EDNRB: variants seen among roughly 807,000 people sequenced by gnomAD.
EDNRB encodes the protein Hirschsprung disease 2.
In EDNRB, 18 loss-of-function variants were observed where a neutral mutation model predicts 46.4. The ratio of observed to expected loss-of-function variants is 0.39; its 90% CI spans 0.27 to 0.57. EDNRB has a LOEUF of 0.57. Among genes scored for constraint, EDNRB ranks in the 20% least tolerant of loss-of-function variants. The pLI is 0.61. For synonymous variants in EDNRB, 213 were observed against 204.9 expected (o/e 1.04, Z -0.34); for missense variants, 434 against 537.5 (o/e 0.81, Z 1.90).
chr13:77,911,657 G>A (rs1012095444), intron 1 of EDNRB, among the ~76,000 whole-genome samples: 9 of 151,664 alleles, frequency 5.9e-5, no homozygotes, highest in South Asian at 2.1e-4. Flanking sequence ...CTCCCTTCAC[G>A]CCTTCTCCTC....
intron 1 of EDNRB, among the ~76,000 whole-genome samples, chr13:77,941,955 C>A (rs1204576393): frequency 6.6e-6 from 1 of 152,164 alleles, no homozygotes; most frequent in Non-Finnish European, 1.5e-5. Context: ...TATTATGAAG[C>A]AGTCTGATAA....
intron 1 of EDNRB, among the ~76,000 whole-genome samples, chr13:77,915,244 G>C (rs1751872440): frequency 6.6e-6 from 1 of 152,248 alleles, no homozygotes; most frequent in Middle Eastern, 3.4e-3. Context: ...TAAGCCATTA[G>C]AATAACTTCC....
intron 1 of EDNRB, among the ~76,000 whole-genome samples, chr13:77,915,023 CA>C (rs1879740449): frequency 6.6e-6 from 1 of 151,988 alleles, no homozygotes; most frequent in Non-Finnish European, 1.5e-5. Flanking sequence ...AAAACCCCAC[CA>C]AAAAAATTAG....
intron 1 of EDNRB, among the ~76,000 whole-genome samples, chr13:77,936,828 C>G (rs550330301): frequency 1.3e-5 from 2 of 152,348 alleles, no homozygotes; most frequent in South Asian, 4.1e-4. Flanking sequence ...TTGACTGCTG[C>G]GGCTTAGGCG....
intron 1 of EDNRB, among the ~76,000 whole-genome samples, chr13:77,961,763 C>A (rs755333085): frequency 6.6e-6 from 1 of 151,942 alleles, no homozygotes; most frequent in Non-Finnish European, 1.5e-5. Context: ...TAGCAGAAGG[C>A]AAGAAATAAC....
chr13:77,906,031 T>C (rs911895836), intron 1 of EDNRB, among the ~76,000 whole-genome samples: 12 of 152,044 alleles, frequency 7.9e-5, no homozygotes, highest in African/African-American at 2.6e-4. Flanking sequence ...GAAGCACTGA[T>C]GAGAACTAGT....
intron 1 of EDNRB, among the ~76,000 whole-genome samples, chr13:77,925,747 G>A (rs961342939): frequency 6.6e-6 from 1 of 152,188 alleles, no homozygotes; most frequent in African/African-American, 2.4e-5. Flanking sequence ...TCCCTACTGG[G>A]GCACCGCCTA....
chr13:77,942,717 T>C (rs1390459306), intron 1 of EDNRB, among the ~76,000 whole-genome samples: 1 of 152,126 alleles, frequency 6.6e-6, no homozygotes, highest in East Asian at 1.9e-4. Flanking sequence ...TTATAATTTT[T>C]CTATTAATTA....
At chr13:77,924,804 T>C (rs138177890) in intron 1 of EDNRB, among the ~76,000 whole-genome samples, 2,048 of 152,282 alleles carry the variant, frequency 0.013, 42 homozygotes, top group Non-Finnish European at 0.017. Context: ...GTTCTCGTGA[T>C]AGTGAATGGG....
At chr13:77,968,564 T>C (rs1881642593) in intron 1 of EDNRB, among the ~76,000 whole-genome samples, 1 of 152,186 alleles carries the variant, frequency 6.6e-6, no homozygotes, top group Non-Finnish European at 1.5e-5. Flanking sequence ...TCTGCCTTCA[T>C]ATATATTTGA....
upstream of EDNRB, chr13:77,919,352 G>A: frequency 6.3e-7 from 1 of 1,575,974 alleles, no homozygotes; most frequent in South Asian, 1.1e-5. Flanking sequence ...CCCAGAATAA[G>A]GTTCAATCAA....
chr13:77,908,674 T>G (rs1452576809), intron 1 of EDNRB, among the ~76,000 whole-genome samples: 2 of 152,002 alleles, frequency 1.3e-5, no homozygotes, highest in African/African-American at 4.8e-5. Context: ...AACACATTCC[T>G]TATTCCCTAT....
In EDNRB at chr13:77,897,006, C is replaced by T; in HGVS notation, c.*1194G>A. 1 of 991,010 alleles carries T rather than the reference C, an allele frequency of 1.0e-6. No individual in the cohort carries two copies. Among genetic ancestry groups the T allele is most frequent in the Non-Finnish European group, 1.2e-6 (1 of 833,900 alleles). 61.4% of individuals were successfully genotyped at this position (991,010 alleles called of 1,614,324 possible). Reference sequence around the variant, plus strand: ...ATACAAAAATTAGTAATAAGCTTTACAGGTAGCTGTTAAATGTACTAATCT... The same window carrying T: ...ATACAAAAATTAGTAATAAGCTTTATAGGTAGCTGTTAAATGTACTAATCT... On this transcript the variant is annotated 3_prime_UTR_variant, in exon 7 of 7. Transcript: ENST00000646607.
intron 1 of EDNRB, among the ~76,000 whole-genome samples, chr13:77,913,329 C>T (rs188066228): frequency 1.3e-5 from 2 of 152,212 alleles, no homozygotes; most frequent in East Asian, 3.9e-4. Flanking sequence ...ATGAATGCAG[C>T]CTCTTTGCCT....
In EDNRB at chr13:77,915,449, C is replaced by T. The variant is rs574529369; in HGVS notation, c.483+2642G>A. Among the ~76,000 whole-genome samples the T allele has an allele frequency of 9.9e-5, 15 of 152,280 alleles. 1 individual carries two copies. The highest frequency in any genetic ancestry group is 3.6e-4 in the African/African-American group (15 of 41,566). On this transcript the variant is annotated intron_variant, in intron 1 of 6. Transcript: ENST00000646607. ...TGGAGATGACCATGCAGTGCCTGAGCATGCTTTGTGCAGTGGGATGGGGTG... is the reference window on the plus strand; with the variant it reads ...TGGAGATGACCATGCAGTGCCTGAGTATGCTTTGTGCAGTGGGATGGGGTG...
upstream of EDNRB, among the ~76,000 whole-genome samples, chr13:77,922,790 A>G (rs1267202145): frequency 6.6e-6 from 1 of 152,200 alleles, no homozygotes; most frequent in African/African-American, 2.4e-5. Flanking sequence ...CAGCTTGAAG[A>G]GTTTTGCCAA....
chr13:77,938,161 G>A (rs922436602), intron 1 of EDNRB, among the ~76,000 whole-genome samples: 1 of 152,102 alleles, frequency 6.6e-6, no homozygotes, highest in Non-Finnish European at 1.5e-5. Flanking sequence ...ATGGAGGGTG[G>A]AAGGTTGCCC....
chr13:77,914,927 CTG>C (rs1189214758), intron 1 of EDNRB, among the ~76,000 whole-genome samples: 8 of 152,162 alleles, frequency 5.3e-5, no homozygotes, highest in Admixed American at 1.3e-4. Flanking sequence ...TTCTGGGCCT[CTG>C]GGCCCTTAGT....
chr13:77,911,019 G>T (rs1285338841), intron 1 of EDNRB, among the ~76,000 whole-genome samples: 2 of 151,886 alleles, frequency 1.3e-5, no homozygotes, highest in African/African-American at 4.8e-5. Context: ...AACAGGCCAG[G>T]AAAGAAATTG....
Sources: gnomAD v4.1 joint callset for allele counts (sites outside exome capture counted in the v4.1 genomes callset) on GRCh38, gnomAD v4.1.1 for gene constraint, MANE v1.5 for transcripts, NCBI Gene and HGNC (gene_info 2026-07-23, HGNC 2026-07-21) for gene names.